The following FNIP1 variants were observed in gnomAD, a reference collection of about 807,000 sequenced individuals.
FNIP1 encodes folliculin interacting protein 1.
Under a neutral mutation model 124.5 loss-of-function variants are expected in FNIP1, and 40 were observed. The ratio of observed to expected loss-of-function variants is 0.32; its 90% CI spans 0.25 to 0.42. FNIP1 has a LOEUF of 0.42. FNIP1 is among the 10% of genes least tolerant of loss of function. The probability of loss-of-function intolerance (pLI) is 1.00; values close to 1 mark genes in which losing one functional copy is unlikely to be tolerated. For missense variants in FNIP1, 1,176 were observed against 1,403.7 expected (o/e 0.84, Z 2.59); for synonymous variants, 472 against 470.6 (o/e 1.00, Z -0.04).
chr5:131,763,517 A>G (rs1407745930), intron 1 of FNIP1, among the ~76,000 whole-genome samples: 1 of 152,160 alleles, frequency 6.6e-6, no homozygotes, highest in Non-Finnish European at 1.5e-5. Flanking sequence ...AGGAAAACTT[A>G]TATTTGTGGA....
intron 15 of FNIP1, among the ~76,000 whole-genome samples, chr5:131,657,745 A>AAC (rs1201798826): frequency 5.3e-4 from 80 of 150,738 alleles, no homozygotes; most frequent in African/African-American, 1.9e-3. Flanking sequence ...GCAAAAAAAA[A>AAC]AAAAAAAAAA....
intron 1 of FNIP1, among the ~76,000 whole-genome samples, chr5:131,784,916 G>A (rs1772112511): frequency 6.8e-6 from 1 of 147,320 alleles, no homozygotes; most frequent in Non-Finnish European, 1.5e-5. Flanking sequence ...CTAAGATCAG[G>A]ACTGGGTTTG....
At chr5:131,765,222 C>T (rs1007600095) in intron 1 of FNIP1, among the ~76,000 whole-genome samples, 14 of 149,994 alleles carry the variant, frequency 9.3e-5, no homozygotes, top group Admixed American at 2.7e-4. Flanking sequence ...ACCTTGTCTG[C>T]GGGGGAAAAA....
At chr5:131,762,357 G>A (rs1771259804) in intron 1 of FNIP1, among the ~76,000 whole-genome samples, 1 of 151,922 alleles carries the variant, frequency 6.6e-6, no homozygotes. Flanking sequence ...ATCTGATGAG[G>A]GATTAACAAC....
rs1189657691 is a variant in FNIP1, at chr5:131,710,618, C to G, written c.666G>C (p.Gln222His). Residue 222 changes from glutamine to histidine, a missense_variant, in exon 7 of 18, where the codon CAG becomes CAC. This residue lies in a region of FNIP1 where 1,109 missense variants were observed against 1,288.5 expected (regional missense o/e 0.86). Coordinates refer to ENST00000510461, the MANE Select transcript of FNIP1 (RefSeq NM_133372.3). ...FCSPRRAFSE[Q>H]GPLRLIRSAS... Reference sequence around the variant, plus strand: ...CGCTCCTGATCAGGCGGAGCGGACCCTGCTCAGAGAATGCCCGCCTGGGGC... The same window carrying G: ...CGCTCCTGATCAGGCGGAGCGGACCGTGCTCAGAGAATGCCCGCCTGGGGC... The G allele has an allele frequency of 6.2e-7, 1 of 1,613,962 alleles. No individual in the cohort carries two copies. Among genetic ancestry groups the G allele is most frequent in the African/African-American group, 1.3e-5 (1 of 74,910 alleles).
At chr5:131,786,511 C>G (rs1224561007) in intron 1 of FNIP1, among the ~76,000 whole-genome samples, 1 of 152,164 alleles carries the variant, frequency 6.6e-6, no homozygotes, top group Admixed American at 6.5e-5. Context: ...TTAGAGGCTA[C>G]CACTAGAGGA....
intron 13 of FNIP1, among the ~76,000 whole-genome samples, chr5:131,677,149 G>A (rs1457353283): frequency 1.3e-5 from 2 of 152,178 alleles, no homozygotes; most frequent in East Asian, 1.9e-4. Context: ...TGATTCAAAT[G>A]TGGTGTGCCT....
At chr5:131,661,244 G>GTGTGTC (rs1321782441) in intron 15 of FNIP1, among the ~76,000 whole-genome samples, 2 of 151,794 alleles carry the variant, frequency 1.3e-5, no homozygotes, top group Non-Finnish European at 2.9e-5. Context: ...GTGTGTGTGT[G>GTGTGTC]TGTGTGTGTT....
intron 11 of FNIP1, among the ~76,000 whole-genome samples, chr5:131,682,716 C>CAA (rs397706462): frequency 4.3e-5 from 6 of 138,070 alleles, no homozygotes; most frequent in African/African-American, 1.6e-4. Context: ...GACTCCGTCT[C>CAA]AAAAAAAAAA....
chr5:131,713,255 C>A (rs1300958421), intron 6 of FNIP1, among the ~76,000 whole-genome samples: 1 of 152,172 alleles, frequency 6.6e-6, no homozygotes, highest in Non-Finnish European at 1.5e-5. Flanking sequence ...ACCATGTTAG[C>A]CAGGATGGTG....
chr5:131,644,542 A>G lies in FNIP1; in HGVS notation c.*143T>C, dbSNP rs1479565572. On this transcript the variant is annotated 3_prime_UTR_variant, in exon 18 of 18. Transcript: ENST00000510461. ...AAGCCATCTGACATACACAGAATAT[A>G]CAATGCTATGCAGAATACCCTGGTG... 5 of 640,744 alleles carry G rather than the reference A, an allele frequency of 7.8e-6. No individual in the cohort carries two copies. The highest frequency in any genetic ancestry group is 1.3e-5 in the Non-Finnish European group (5 of 374,304). 39.7% of individuals were successfully genotyped at this position (640,744 alleles called of 1,614,324 possible).
At chr5:131,755,641 A>T (rs1457766166) in intron 1 of FNIP1, among the ~76,000 whole-genome samples, 1 of 152,156 alleles carries the variant, frequency 6.6e-6, no homozygotes, top group Non-Finnish European at 1.5e-5. Flanking sequence ...AAAAGCAGAG[A>T]AGCCAGGGAA....
intron 6 of FNIP1, among the ~76,000 whole-genome samples, chr5:131,714,269 A>G (rs1162405433): frequency 6.6e-6 from 1 of 152,200 alleles, no homozygotes; most frequent in East Asian, 1.9e-4. Flanking sequence ...CTTCCAGTCA[A>G]CATTCTACCC....
chr5:131,710,756 C>A, intron 6 of FNIP1, 95 bp from the exon 7 acceptor site: 1 of 926,558 alleles, frequency 1.1e-6, no homozygotes, highest in Non-Finnish European at 1.6e-6. Context: ...AGCACAAGAG[C>A]AGACCAACAA....
At chr5:131,752,138 G>A (rs576310784) in intron 1 of FNIP1, among the ~76,000 whole-genome samples, 14 of 152,130 alleles carry the variant, frequency 9.2e-5, no homozygotes, top group South Asian at 2.1e-4. Flanking sequence ...CCGCCTCTCC[G>A]GTTCGCGCCA....
chr5:131,752,836 G>C (rs955855154), intron 1 of FNIP1, among the ~76,000 whole-genome samples: 2 of 152,224 alleles, frequency 1.3e-5, no homozygotes, highest in African/African-American at 4.8e-5. Context: ...GGGAGGCCAA[G>C]GCAGGTGGGT....
At chr5:131,669,097 T>C (rs1767681012) in intron 15 of FNIP1, among the ~76,000 whole-genome samples, 1 of 152,184 alleles carries the variant, frequency 6.6e-6, no homozygotes, top group African/African-American at 2.4e-5. Context: ...TCTAGTAAAT[T>C]AGGCCACTTA....
intron 3 of FNIP1, among the ~76,000 whole-genome samples, chr5:131,729,832 G>A (rs965448238): frequency 1.3e-5 from 2 of 151,568 alleles, no homozygotes; most frequent in African/African-American, 2.4e-5. Flanking sequence ...CACAACATCC[G>A]CCTCCCAGGT....
In FNIP1 at chr5:131,710,638, T is replaced by C. The variant is rs1228973338; in HGVS notation, c.646A>G (p.Arg216Gly). The change falls in exon 7 of 18, where the codon AGG (arginine) becomes GGG (glycine). Residue 216 changes from arginine (R) to glycine (G), a missense_variant. Around this residue, in one of 2 missense-constraint regions of FNIP1, gnomAD observed 1,109 missense variants for 1,288.5 expected, o/e 0.86. Transcript: ENST00000510461. ...GGACCCTGCTCAGAGAATGCCCGCC[T>C]GGGGCTGCAGAACTGTGAAAGACCT... is the stretch of plus-strand genomic sequence containing the variant. ...NIGLSQFCSP[R>G]RAFSEQGPLR... 2 of 1,613,808 alleles carry C rather than the reference T, an allele frequency of 1.2e-6. No homozygotes were observed. Among genetic ancestry groups the C allele is most frequent in the African/African-American group, 2.7e-5 (2 of 74,880 alleles).
Sources: allele counts gnomAD v4.1 joint callset (sites outside exome capture counted in the v4.1 genomes callset), GRCh38; gene constraint gnomAD v4.1.1; regional missense constraint gnomAD v4.1.1; transcripts MANE v1.5; gene names NCBI Gene and HGNC (gene_info 2026-07-23, HGNC 2026-07-21).